The following ARHGAP26 variants were observed in gnomAD, a reference collection of about 807,000 sequenced individuals.
The protein encoded by ARHGAP26 is Rho GTPase activating protein 26, also known as rho GTPase-activating protein 26.
Under a neutral mutation model 104.8 loss-of-function variants are expected in ARHGAP26, and 38 were observed. That is an observed-to-expected ratio of 0.36 (90% CI 0.28 to 0.48). The LOEUF is 0.48. ARHGAP26 is among the 20% of genes least tolerant of loss of function. ARHGAP26 has a pLI of 0.99. For synonymous variants in ARHGAP26, 341 were observed against 340.0 expected (o/e 1.00, Z -0.03); for missense variants, 704 against 947.9 (o/e 0.74, Z 3.38).
At chr5:143,048,601 C>T (rs1044162716) in intron 14 of ARHGAP26, among the ~76,000 whole-genome samples, 3 of 150,830 alleles carry the variant, frequency 2.0e-5, no homozygotes, top group Non-Finnish European at 4.4e-5. Context: ...TATCTTTTTT[C>T]TAAACGAATT....
intron 11 of ARHGAP26, among the ~76,000 whole-genome samples, chr5:142,983,213 G>A (rs575757783): frequency 1.1e-4 from 16 of 149,882 alleles, no homozygotes; most frequent in Non-Finnish European, 2.1e-4. Flanking sequence ...ATGCTGGTTC[G>A]TTGTTTTTTT....
intron 10 of ARHGAP26, chr5:142,921,775 A>G (rs1046510471): frequency 2.0e-5 from 3 of 153,272 alleles, no homozygotes; most frequent in African/African-American, 4.8e-5. Flanking sequence ...GATGGGGTGA[A>G]TTATCACTAC....
intron 14 of ARHGAP26, among the ~76,000 whole-genome samples, chr5:143,052,000 G>A (rs1434950908): frequency 6.6e-6 from 1 of 152,140 alleles, no homozygotes; most frequent in East Asian, 1.9e-4. Context: ...GCAAAGCAGA[G>A]GTTTTTGATA....
At chr5:143,054,705 ATGGGTTGCCTT>A (rs1785541072) in intron 15 of ARHGAP26, among the ~76,000 whole-genome samples, 179 bp downstream of exon 15, 1 of 152,210 alleles carries the variant, frequency 6.6e-6, no homozygotes, top group African/African-American at 2.4e-5. Context: ...TCCATAGTTG[ATGGGTTGCCTT>A]TGTGCAGTGA....
chr5:143,208,719 G>A (rs532894146), intron 21 of ARHGAP26, among the ~76,000 whole-genome samples: 24 of 152,246 alleles, frequency 1.6e-4, no homozygotes, highest in African/African-American at 5.1e-4. Context: ...TTGAGTTTCC[G>A]TGCAGCTCCC....
At chr5:143,073,932 T>C (rs73298598) in intron 17 of ARHGAP26, among the ~76,000 whole-genome samples, 8,306 of 152,306 alleles carry the variant, frequency 0.055, 804 homozygotes, top group African/African-American at 0.19. Flanking sequence ...CAGTCAATCC[T>C]TGGTTATTCG....
At chr5:142,963,198 A>ATATATGTGTGTGTGTGTGTGTG (rs869247749) in intron 11 of ARHGAP26, among the ~76,000 whole-genome samples, 3 of 98,326 alleles carry the variant, frequency 3.1e-5, no homozygotes, top group African/African-American at 1.8e-4. Context: ...ATATATATAT[A>ATATATGTGTGTGTGTGTGTGTG]TGTGTGTGTG....
intron 19 of ARHGAP26, among the ~76,000 whole-genome samples, chr5:143,139,276 A>G (rs1222686042): frequency 6.6e-6 from 1 of 152,236 alleles, no homozygotes; most frequent in Non-Finnish European, 1.5e-5. Flanking sequence ...CATCCCCACA[A>G]TTGATGATAA....
chr5:143,178,597 C>T (rs79927150), intron 20 of ARHGAP26, among the ~76,000 whole-genome samples: 5,204 of 152,258 alleles, frequency 0.034, 291 homozygotes, highest in African/African-American at 0.12. Context: ...CACTATTCAG[C>T]GCTACTACAA....
chr5:143,061,989 A>G (rs55937424), intron 17 of ARHGAP26, among the ~76,000 whole-genome samples: 7,030 of 152,224 alleles, frequency 0.046, 559 homozygotes, highest in African/African-American at 0.16. Flanking sequence ...TTTTCCACCC[A>G]ACAAGATTTA....
In ARHGAP26 at chr5:143,101,971, A is replaced by G. The variant is rs1361922033; in HGVS notation, c.1539-19017A>G. Among the ~76,000 whole-genome samples, 3 of 151,940 alleles carry G rather than the reference A, an allele frequency of 2.0e-5. No homozygotes were observed. In the East Asian group the frequency reaches 5.8e-4, roughly 29 times the overall value. ...TTAGGGGCTGTGGTGGCGCTGATAG[A>G]ACTGGAGTCTGGAGAACATGAAACA... On this transcript the variant is annotated intron_variant, in intron 17 of 22. Transcript: ENST00000645722.
At chr5:142,891,581 T>C (rs572627851) in intron 5 of ARHGAP26, among the ~76,000 whole-genome samples, 39 of 149,346 alleles carry the variant, frequency 2.6e-4, no homozygotes, top group South Asian at 2.4e-3. Context: ...GATGGTGGAA[T>C]GGATGGATGA....
At chr5:142,945,136 C>T (rs1247064530) in intron 11 of ARHGAP26, among the ~76,000 whole-genome samples, 1 of 152,146 alleles carries the variant, frequency 6.6e-6, no homozygotes, top group Non-Finnish European at 1.5e-5. Context: ...CTTTCTAACT[C>T]CCGAGTAGAA....
chr5:143,149,183 T>TG (rs921328724), intron 20 of ARHGAP26, among the ~76,000 whole-genome samples: 5 of 152,098 alleles, frequency 3.3e-5, no homozygotes, highest in Non-Finnish European at 7.4e-5. Context: ...GGTACAGATC[T>TG]GGGGGGCTTT....
chr5:142,884,563 A>G (rs1417352852), intron 4 of ARHGAP26, among the ~76,000 whole-genome samples: 1 of 152,222 alleles, frequency 6.6e-6, no homozygotes, highest in East Asian at 1.9e-4. Context: ...TGTAGGATGC[A>G]GCAAGTTTAT....
chr5:143,103,581 A>T (rs1793568590), intron 17 of ARHGAP26, among the ~76,000 whole-genome samples: 1 of 148,382 alleles, frequency 6.7e-6, no homozygotes, highest in Admixed American at 6.8e-5. Flanking sequence ...AAAAAAAAAA[A>T]TGTGGCACAT....
intron 10 of ARHGAP26, among the ~76,000 whole-genome samples, chr5:142,931,662 C>G (rs985583646): frequency 2.0e-5 from 3 of 152,136 alleles, no homozygotes. Context: ...TCCAGTAATT[C>G]CATTCACTTC....
chr5:142,875,222 G>A, intron 3 of ARHGAP26, 51 bp downstream of exon 3: 2 of 1,556,024 alleles, frequency 1.3e-6, no homozygotes, highest in Non-Finnish European at 1.8e-6. Context: ...TCGTGTTGAG[G>A]GAGCAAGGGA....
intron 1 of ARHGAP26, among the ~76,000 whole-genome samples, chr5:142,865,108 G>A (rs1005583238): frequency 6.6e-6 from 1 of 152,080 alleles, no homozygotes; most frequent in Non-Finnish European, 1.5e-5. Flanking sequence ...TCATGTCTTG[G>A]GGCAGCATGT....
Sources: gnomAD v4.1 joint callset for allele counts (sites outside exome capture counted in the v4.1 genomes callset) on GRCh38, gnomAD v4.1.1 for gene constraint, MANE v1.5 for transcripts, NCBI Gene and HGNC (gene_info 2026-07-23, HGNC 2026-07-21) for gene names.